NRCAM: variants seen among roughly 807,000 people sequenced by gnomAD.
NRCAM encodes the protein neuronal cell adhesion molecule, also known as NgCAM-related cell adhesion molecule.
NRCAM carries 83 observed loss-of-function variants against 156.5 expected under a neutral mutation model. The observed-to-expected ratio is 0.53, with a 90% CI of 0.44 to 0.64. NRCAM has a LOEUF of 0.64. NRCAM is among the 30% of genes least tolerant of loss of function. The pLI, the probability that NRCAM is intolerant of heterozygous loss-of-function variation, is 0.00. For synonymous variants in NRCAM, 538 were observed against 563.9 expected (o/e 0.95, Z 0.65); for missense variants, 1,417 against 1,597.3 (o/e 0.89, Z 1.92).
chr7:108,342,434 G>A (rs1017059897), intron 2 of NRCAM, among the ~76,000 whole-genome samples: 6 of 152,182 alleles, frequency 3.9e-5, no homozygotes, highest in Admixed American at 3.9e-4. Context: ...GGCTTCTGCC[G>A]AATATGGATT....
chr7:108,427,285 G>A (rs1452725447), intron 1 of NRCAM, among the ~76,000 whole-genome samples: 3 of 152,174 alleles, frequency 2.0e-5, no homozygotes, highest in South Asian at 2.1e-4. Flanking sequence ...CAGGCAGATA[G>A]AATTATTTCT....
rs562974948 is a variant in NRCAM, at chr7:108,395,062, T to A, written c.-174+4374A>T. ...AAAGTCAACAACTGGCAAGAATGGT[T>A]TTATTAGGGCATGAATTAGAAATAA... On this transcript the variant is annotated intron_variant, in intron 2 of 32. Coordinates refer to ENST00000379028, the MANE Select transcript of NRCAM (RefSeq NM_001037132.4). 3.0e-4 allele frequency among the ~76,000 whole-genome samples: 46 copies of A among 152,330 alleles called. No individual in the cohort carries two copies. The South Asian group carries it at 9.1e-3, about 30-fold the overall frequency.
intron 22 of NRCAM, among the ~76,000 whole-genome samples, 192 bp downstream of exon 22, chr7:108,184,049 C>A (rs1368040309): frequency 6.6e-6 from 1 of 151,920 alleles, no homozygotes; most frequent in Non-Finnish European, 1.5e-5. Flanking sequence ...CATTTTGACT[C>A]CAGAGCTCAA....
chr7:108,379,615 T>C (rs1204322875), intron 2 of NRCAM, among the ~76,000 whole-genome samples: 1 of 152,192 alleles, frequency 6.6e-6, no homozygotes, highest in East Asian at 1.9e-4. Context: ...ATCCTATGTG[T>C]ATTTTATCAC....
chr7:108,296,582 T>G (rs1172483574), intron 3 of NRCAM, among the ~76,000 whole-genome samples: 1 of 151,994 alleles, frequency 6.6e-6, no homozygotes, highest in Non-Finnish European at 1.5e-5. Context: ...AGGATGGTTT[T>G]TGGAGGGAGG....
intron 3 of NRCAM, among the ~76,000 whole-genome samples, chr7:108,300,159 A>ATTTTTTTTTT (rs2098560356): frequency 1.6e-5 from 1 of 62,822 alleles, no homozygotes; most frequent in African/African-American, 7.1e-5. Context: ...ATTTCTGTTG[A>ATTTTTTTTTT]CTTTTTTTTT....
At chr7:108,245,153 G>A (rs2095823941) in intron 3 of NRCAM, among the ~76,000 whole-genome samples, 1 of 152,040 alleles carries the variant, frequency 6.6e-6, no homozygotes, top group African/African-American at 2.4e-5. Flanking sequence ...CTGCTTAAAT[G>A]TCACGTGATA....
intron 11 of NRCAM, among the ~76,000 whole-genome samples, chr7:108,222,013 GAAAT>G (rs965817135): frequency 1.3e-5 from 2 of 150,932 alleles, no homozygotes; most frequent in African/African-American, 4.9e-5. Flanking sequence ...GGTTAAGTAA[GAAAT>G]AAACTGAGCA....
Position 108,216,764 on chromosome 7 carries a change from C to A in NRCAM, c.890+6961G>T, listed in dbSNP as rs540536563. On this transcript the variant is annotated intron_variant, in intron 11 of 32. Coordinates refer to ENST00000379028, the MANE Select transcript of NRCAM (RefSeq NM_001037132.4). Reference sequence around the variant, plus strand: ...TCGTGCTGTGTTTTTCAGCTCCATCCGGTCATTTATGTTCTTCTCTAAACT... The same window carrying A: ...TCGTGCTGTGTTTTTCAGCTCCATCAGGTCATTTATGTTCTTCTCTAAACT... Among the ~76,000 whole-genome samples the A allele has an allele frequency of 5.9e-5, 9 of 152,212 alleles. No individual in the cohort carries two copies. In the East Asian group the frequency reaches 1.2e-3, roughly 20 times the overall value.
chr7:108,204,473 A>G (rs1445338958), intron 13 of NRCAM, among the ~76,000 whole-genome samples: 1 of 152,248 alleles, frequency 6.6e-6, no homozygotes, highest in Admixed American at 6.5e-5. Context: ...TTTAGTTATG[A>G]GATGTCCAAA....
At chr7:108,433,626 G>A (rs1474825536) in intron 1 of NRCAM, among the ~76,000 whole-genome samples, 7 of 152,128 alleles carry the variant, frequency 4.6e-5, no homozygotes, top group African/African-American at 1.7e-4. Context: ...AGAGCTGGTT[G>A]TTAAAAAGAG....
chr7:108,452,747 C>G (rs1851915833), intron 1 of NRCAM, among the ~76,000 whole-genome samples: 1 of 152,230 alleles, frequency 6.6e-6, no homozygotes, highest in Non-Finnish European at 1.5e-5. Flanking sequence ...ATGTTAGAAG[C>G]TCTACATTCC....
intron 2 of NRCAM, among the ~76,000 whole-genome samples, chr7:108,317,422 A>G (rs1240237947): frequency 6.6e-6 from 1 of 152,234 alleles, no homozygotes; most frequent in Non-Finnish European, 1.5e-5. Flanking sequence ...AGAAACAGCT[A>G]AAGTAATAGT....
chr7:108,416,653 T>C (rs1801985242), intron 1 of NRCAM, among the ~76,000 whole-genome samples: 1 of 152,184 alleles, frequency 6.6e-6, no homozygotes. Context: ...GTTTTTATAG[T>C]ATGCTTTTCA....
chr7:108,172,834 A>G (rs1280717533), intron 28 of NRCAM, among the ~76,000 whole-genome samples: 1 of 152,158 alleles, frequency 6.6e-6, no homozygotes, highest in Non-Finnish European at 1.5e-5. Flanking sequence ...TACATTTGAA[A>G]ACTTAGGTTT....
At chr7:108,204,444 C>A (rs977303508) in intron 13 of NRCAM, among the ~76,000 whole-genome samples, 1 of 152,244 alleles carries the variant, frequency 6.6e-6, no homozygotes, top group African/African-American at 2.4e-5. Flanking sequence ...TGTGCAGAGG[C>A]CCCGCTGGCT....
chr7:108,265,516 C>G (rs992545277), intron 3 of NRCAM, among the ~76,000 whole-genome samples: 1 of 152,196 alleles, frequency 6.6e-6, no homozygotes, highest in African/African-American at 2.4e-5. Context: ...CTATTTTATG[C>G]TTTCCAAATT....
chr7:108,372,953 G>A (rs1484945518), intron 2 of NRCAM, among the ~76,000 whole-genome samples: 1 of 152,172 alleles, frequency 6.6e-6, no homozygotes, highest in East Asian at 1.9e-4. Context: ...TGATCTAAAT[G>A]CCCATCAACA....
chr7:108,184,162 C>G, intron 22 of NRCAM, 79 bp downstream of exon 22: 2 of 1,004,170 alleles, frequency 2.0e-6, no homozygotes. Flanking sequence ...AAATGAGATT[C>G]TAATGTAGAT....
Sources: allele counts gnomAD v4.1 joint callset (sites outside exome capture counted in the v4.1 genomes callset), GRCh38; gene constraint gnomAD v4.1.1; transcripts MANE v1.5; gene names NCBI Gene and HGNC (gene_info 2026-07-23, HGNC 2026-07-21).